KCNQ3: variants seen among roughly 807,000 people sequenced by gnomAD.
The protein encoded by KCNQ3 is potassium voltage-gated channel subfamily Q member 3.
A neutral mutation model predicts 92.5 loss-of-function variants in KCNQ3; 30 were observed. That is an observed-to-expected ratio of 0.32 (90% CI 0.24 to 0.44). The LOEUF is 0.44. KCNQ3 is among the 20% of genes least tolerant of loss of function. The probability of loss-of-function intolerance (pLI) is 1.00; values close to 1 mark genes in which losing one functional copy is unlikely to be tolerated. For synonymous variants in KCNQ3, 450 were observed against 468.8 expected (o/e 0.96, Z 0.52); for missense variants, 913 against 1,140.3 (o/e 0.80, Z 2.87).
At chr8:132,367,314 C>A (rs1046945930) in intron 1 of KCNQ3, among the ~76,000 whole-genome samples, 10 of 152,114 alleles carry the variant, frequency 6.6e-5, no homozygotes, top group Admixed American at 4.6e-4. Context: ...CAGAGAAGTT[C>A]TTGGATTAAA....
chr8:132,267,805 CA>C (rs1468267701), intron 1 of KCNQ3, among the ~76,000 whole-genome samples: 2 of 152,142 alleles, frequency 1.3e-5, no homozygotes, highest in Non-Finnish European at 2.9e-5. Context: ...TAACAAACAG[CA>C]AAAATAACCA....
chr8:132,447,116 G>T, intron 1 of KCNQ3: 1 of 1,199,754 alleles, frequency 8.3e-7, no homozygotes, highest in Non-Finnish European at 1.2e-6. Context: ...TATGCATGTG[G>T]CTCTTTCCCT....
At position 132,454,167 on chromosome 8, in the gene KCNQ3, A is replaced by G. The variant is rs867135625; in HGVS notation, c.386+25980T>C. ...CTAATGAGAGATGAATCTGAGTGGTAGCTCCACTGGAGCTCAGGGAGAAGG... is the reference window on the plus strand; with the variant it reads ...CTAATGAGAGATGAATCTGAGTGGTGGCTCCACTGGAGCTCAGGGAGAAGG... On this transcript the variant is annotated intron_variant, in intron 1 of 14. Coordinates refer to ENST00000388996, the MANE Select transcript of KCNQ3 (RefSeq NM_004519.4). Among the ~76,000 whole-genome samples the G allele has an allele frequency of 7.2e-5, 11 of 152,352 alleles. No individual in the cohort carries two copies. In the South Asian group the frequency reaches 8.3e-4, roughly 11 times the overall value.
At chr8:132,310,304 C>T (rs531157058) in intron 1 of KCNQ3, among the ~76,000 whole-genome samples, 1 of 152,272 alleles carries the variant, frequency 6.6e-6, no homozygotes, top group East Asian at 1.9e-4. Context: ...ACCTCGGGTC[C>T]ATCTCCATGT....
intron 1 of KCNQ3, among the ~76,000 whole-genome samples, chr8:132,197,779 T>G (rs1355778129): frequency 6.6e-6 from 1 of 152,190 alleles, no homozygotes; most frequent in African/African-American, 2.4e-5. Flanking sequence ...AACAAAGCAT[T>G]TTATTAAACA....
At chr8:132,473,337 G>A (rs972083685) in intron 1 of KCNQ3, among the ~76,000 whole-genome samples, 1 of 152,148 alleles carries the variant, frequency 6.6e-6, no homozygotes, top group East Asian at 1.9e-4. Flanking sequence ...CTTCAGTAAT[G>A]AATTACAGTT....
At chr8:132,141,472 A>ACT in intron 9 of KCNQ3, 141 bp from the exon 10 acceptor site, 1 of 785,356 alleles carries the variant, frequency 1.3e-6, no homozygotes, top group Non-Finnish European at 2.2e-6. Context: ...CTGACTCAGC[A>ACT]GCTTGGAATC....
In KCNQ3 at chr8:132,177,965, C is replaced by T. The variant is rs139019835; in HGVS notation, c.777+2192G>A. Among the ~76,000 whole-genome samples, 18 of 152,318 alleles carry T rather than the reference C, an allele frequency of 1.2e-4. No individual in the cohort carries two copies. In the East Asian group the frequency reaches 2.9e-3, roughly 24 times the overall value. Reference sequence around the variant, plus strand: ...AGAGCTCTGCTCCAGAGCCCATTCCCACCCCTGGGAAACAGTCTCTGCCTC... The same window carrying T: ...AGAGCTCTGCTCCAGAGCCCATTCCTACCCCTGGGAAACAGTCTCTGCCTC... On this transcript the variant is annotated intron_variant, in intron 4 of 14. Coordinates refer to ENST00000388996, the MANE Select transcript of KCNQ3 (RefSeq NM_004519.4).
intron 1 of KCNQ3, among the ~76,000 whole-genome samples, chr8:132,227,057 A>G (rs951276363): frequency 7.3e-6 from 1 of 136,550 alleles, no homozygotes; most frequent in Non-Finnish European, 1.6e-5. Context: ...AACATATCTC[A>G]CTCTTTTTTT....
intron 1 of KCNQ3, among the ~76,000 whole-genome samples, chr8:132,290,655 G>A (rs1816812030): frequency 1.3e-5 from 2 of 152,164 alleles, no homozygotes; most frequent in South Asian, 4.1e-4. Flanking sequence ...TGTGGAGGGT[G>A]AGAAATAGGT....
At chr8:132,195,036 T>C (rs1827265342) in intron 1 of KCNQ3, among the ~76,000 whole-genome samples, 1 of 152,280 alleles carries the variant, frequency 6.6e-6, no homozygotes, top group South Asian at 2.1e-4. Flanking sequence ...CCCACCAACA[T>C]CAGGGCAAAA....
intron 1 of KCNQ3, among the ~76,000 whole-genome samples, chr8:132,243,081 A>G (rs957105868): frequency 1.3e-5 from 2 of 152,248 alleles, no homozygotes; most frequent in African/African-American, 4.8e-5. Flanking sequence ...AGTGGGCAAA[A>G]GCCTTCAGGA....
At chr8:132,365,895 T>G (rs1402600204) in intron 1 of KCNQ3, among the ~76,000 whole-genome samples, 1 of 152,022 alleles carries the variant, frequency 6.6e-6, no homozygotes, top group East Asian at 1.9e-4. Flanking sequence ...CTGGGTGTGG[T>G]AGAGCATGCC....
At chr8:132,426,969 G>A (rs564478890) in intron 1 of KCNQ3, among the ~76,000 whole-genome samples, 15 of 152,242 alleles carry the variant, frequency 9.9e-5, no homozygotes, top group Admixed American at 2.6e-4. Flanking sequence ...GGACAGTAGG[G>A]CACAGATTAA....
intron 1 of KCNQ3, among the ~76,000 whole-genome samples, chr8:132,329,245 GCCTTCCT>G (rs1818159196): frequency 6.6e-6 from 1 of 152,128 alleles, no homozygotes; most frequent in Non-Finnish European, 1.5e-5. Flanking sequence ...AAAATGGCAC[GCCTTCCT>G]CCTGGGTGAG....
At chr8:132,401,608 T>G (rs1820334752) in intron 1 of KCNQ3, among the ~76,000 whole-genome samples, 1 of 152,156 alleles carries the variant, frequency 6.6e-6, no homozygotes, top group African/African-American at 2.4e-5. Context: ...TTTCCTGACC[T>G]CGTGATCCGC....
intron 1 of KCNQ3, among the ~76,000 whole-genome samples, chr8:132,220,576 C>T (rs1376840931): frequency 6.6e-6 from 1 of 152,056 alleles, no homozygotes; most frequent in Non-Finnish European, 1.5e-5. Flanking sequence ...TGGTGAAATC[C>T]TGTCTCTACT....
At chr8:132,466,680 C>A (rs970453609) in intron 1 of KCNQ3, among the ~76,000 whole-genome samples, 4 of 152,152 alleles carry the variant, frequency 2.6e-5, no homozygotes, top group Non-Finnish European at 4.4e-5. Flanking sequence ...CTTGGAATCA[C>A]CTCCTAAATC....
At chr8:132,348,112 A>G (rs550743548) in intron 1 of KCNQ3, among the ~76,000 whole-genome samples, 1 of 152,046 alleles carries the variant, frequency 6.6e-6, no homozygotes, top group Non-Finnish European at 1.5e-5. Context: ...TGTAATTTAT[A>G]ATTGAAATTC....
Sources: allele counts gnomAD v4.1 joint callset (sites outside exome capture counted in the v4.1 genomes callset), GRCh38; gene constraint gnomAD v4.1.1; transcripts MANE v1.5; gene names NCBI Gene and HGNC (gene_info 2026-07-23, HGNC 2026-07-21).